Variants in PTPRG observed in about 807,000 individuals in gnomAD.
PTPRG encodes protein tyrosine phosphatase receptor type G, also known as receptor-type tyrosine-protein phosphatase gamma.
A neutral mutation model predicts 165.3 loss-of-function variants in PTPRG; 102 were observed. The ratio of observed to expected loss-of-function variants is 0.62; its 90% CI spans 0.53 to 0.73. The LOEUF (loss-of-function observed/expected upper bound fraction) is 0.73. Among genes scored for constraint, PTPRG ranks in the 30% least tolerant of loss-of-function variants. The probability of loss-of-function intolerance (pLI) is 0.00; values close to 1 mark genes in which losing one functional copy is unlikely to be tolerated. For missense variants in PTPRG, 1,866 were observed against 1,861.4 expected (o/e 1.00, Z -0.05); for synonymous variants, 675 against 669.5 (o/e 1.01, Z -0.13).
chr3:62,256,528 G>A (rs1270524079), intron 16 of PTPRG, among the ~76,000 whole-genome samples: 1 of 152,174 alleles, frequency 6.6e-6, no homozygotes, highest in Non-Finnish European at 1.5e-5. Context: ...TAAAAAAGGT[G>A]CCTATTCAAC....
rs984337137 is a variant in PTPRG at position 62,295,129 on chromosome 3, C to T, written c.*1822C>T. The T allele has an allele frequency of 6.6e-6, 1 of 152,084 alleles. No individual in the cohort carries two copies. Among genetic ancestry groups the T allele is most frequent in the Non-Finnish European group, 1.5e-5 (1 of 68,014 alleles). 9.4% of individuals were successfully genotyped at this position (152,084 alleles called of 1,614,324 possible). ...TTTTCAAGAGCTGCGTAAGCTAGTC[C>T]TGAGATAAGATGTTCAAGAGAGCAT... On this transcript the variant is annotated 3_prime_UTR_variant, in exon 30 of 30. Transcript: ENST00000474889.
intron 7 of PTPRG, among the ~76,000 whole-genome samples, chr3:62,164,160 A>G (rs1247853678): frequency 6.6e-6 from 1 of 152,226 alleles, no homozygotes; most frequent in African/African-American, 2.4e-5. Context: ...CTGTGGCTCC[A>G]GCCTGATTTC....
intron 15 of PTPRG, among the ~76,000 whole-genome samples, chr3:62,246,564 G>C (rs1701292423): frequency 6.6e-6 from 1 of 152,018 alleles, no homozygotes; most frequent in South Asian, 2.1e-4. Flanking sequence ...AGTTATAGCA[G>C]TACAACGGTG....
At chr3:61,682,595 A>AT (rs1471994717) in intron 1 of PTPRG, among the ~76,000 whole-genome samples, 3 of 152,104 alleles carry the variant, frequency 2.0e-5, no homozygotes, top group Non-Finnish European at 2.9e-5. Context: ...CCAAAGGTGG[A>AT]TTTTTTCCAA....
intron 4 of PTPRG, among the ~76,000 whole-genome samples, chr3:62,074,178 AGAGTGTGTGTGTGTGT>A (rs1416562508): frequency 1.1e-4 from 7 of 64,926 alleles, no homozygotes; most frequent in African/African-American, 3.2e-4. Flanking sequence ...AAAAAAAGTG[AGAGTGTGTGTGTGTGT>A]GTGTGTGTGT....
chr3:61,982,598 C>G (rs948378070), intron 2 of PTPRG, among the ~76,000 whole-genome samples: 8 of 152,172 alleles, frequency 5.3e-5, no homozygotes, highest in African/African-American at 1.9e-4. Flanking sequence ...AATCAGTCAA[C>G]TCCTTTTGAG....
chr3:61,943,553 G>A (rs1484456177), intron 2 of PTPRG, among the ~76,000 whole-genome samples: 2 of 152,196 alleles, frequency 1.3e-5, no homozygotes, highest in African/African-American at 4.8e-5. Context: ...ACTCCAGCCT[G>A]GGCAACAGAG....
intron 15 of PTPRG, among the ~76,000 whole-genome samples, chr3:62,248,078 G>T (rs1245214770): frequency 6.6e-6 from 1 of 152,110 alleles, no homozygotes; most frequent in Non-Finnish European, 1.5e-5. Flanking sequence ...ATGCTAGACA[G>T]AGACTGTGAA....
At chr3:61,985,621 T>A (rs987566906) in intron 2 of PTPRG, among the ~76,000 whole-genome samples, 8 of 152,356 alleles carry the variant, frequency 5.3e-5, no homozygotes, top group East Asian at 1.9e-4. Flanking sequence ...CTGCTCCTTA[T>A]GTCCCATTTC....
intron 29 of PTPRG, among the ~76,000 whole-genome samples, chr3:62,292,886 A>G (rs1256428774): frequency 1.3e-5 from 2 of 152,090 alleles, no homozygotes; most frequent in East Asian, 2.0e-4. Flanking sequence ...TTAACCAGAT[A>G]TTGGTTATCT....
At chr3:62,035,399 T>C (rs935390947) in intron 4 of PTPRG, among the ~76,000 whole-genome samples, 3 of 151,938 alleles carry the variant, frequency 2.0e-5, no homozygotes, top group African/African-American at 7.3e-5. Context: ...GTGAATAATC[T>C]TCCGGGACAT....
At chr3:61,784,271 T>A (rs1375224126) in intron 2 of PTPRG, among the ~76,000 whole-genome samples, 3 of 152,038 alleles carry the variant, frequency 2.0e-5, no homozygotes, top group Admixed American at 2.0e-4. Flanking sequence ...TGAGTGGCAG[T>A]GGGGTTGGGG....
intron 5 of PTPRG, chr3:62,118,182 A>G (rs1039484275): frequency 3.9e-5 from 6 of 152,232 alleles, no homozygotes; most frequent in South Asian, 2.1e-4. Flanking sequence ...CTTTTTCTAT[A>G]AAGGGCCAAA....
intron 1 of PTPRG, among the ~76,000 whole-genome samples, chr3:61,689,934 A>G (rs2030073935): frequency 6.6e-6 from 1 of 152,182 alleles, no homozygotes; most frequent in African/African-American, 2.4e-5. Flanking sequence ...TTCTAGCTAG[A>G]AAGTTTTAGT....
intron 2 of PTPRG, among the ~76,000 whole-genome samples, chr3:61,797,322 C>T (rs73841150): frequency 2.0e-5 from 3 of 151,944 alleles, no homozygotes; most frequent in African/African-American, 7.3e-5. Flanking sequence ...ATTTTTTTCC[C>T]CCATATTTGA....
At chr3:62,249,327 T>C (rs1454619786) in intron 15 of PTPRG, among the ~76,000 whole-genome samples, 1 of 152,112 alleles carries the variant, frequency 6.6e-6, no homozygotes, top group African/African-American at 2.4e-5. Context: ...GGGGGCTGAA[T>C]TCCTGAAAAT....
At chr3:61,836,904 C>T (rs960426290) in intron 2 of PTPRG, among the ~76,000 whole-genome samples, 7 of 149,772 alleles carry the variant, frequency 4.7e-5, no homozygotes, top group African/African-American at 1.2e-4. Flanking sequence ...GCCACCAGGC[C>T]TGGCTGATTT....
intron 1 of PTPRG, among the ~76,000 whole-genome samples, chr3:61,733,440 T>G (rs990290093): frequency 6.6e-6 from 1 of 151,316 alleles, no homozygotes; most frequent in African/African-American, 2.4e-5. Flanking sequence ...TGCCTGGTTT[T>G]TAAAATGGGA....
Position 62,224,075 on chromosome 3 carries a change from T to C in PTPRG, c.2288+5092T>C, listed in dbSNP as rs1049673662. Among the ~76,000 whole-genome samples the C allele has an allele frequency of 6.6e-6, 1 of 152,132 alleles. No homozygotes were observed. The highest frequency in any genetic ancestry group is 6.6e-5 in the Admixed American group (1 of 15,258). On this transcript the variant is annotated intron_variant, in intron 13 of 29. Transcript: ENST00000474889. This position sits in a 1 kb window ranked among gnomAD's most constrained non-coding sequence, Gnocchi z 4.9. ...AGGAAAGGGGTGACTATAATGTTAA[T>C]GAAATTGGTTTGGGTGATGCTCCTA...
Sources: gnomAD v4.1 joint callset for allele counts (sites outside exome capture counted in the v4.1 genomes callset) on GRCh38, gnomAD v4.1.1 for gene constraint, Gnocchi (gnomAD v3.1) non-coding constraint, MANE v1.5 for transcripts, NCBI Gene and HGNC (gene_info 2026-07-23, HGNC 2026-07-21) for gene names.